Variants in FSHR observed in about 807,000 individuals in gnomAD.
FSHR encodes follicle stimulating hormone receptor.
In FSHR, 46 loss-of-function variants were observed where a neutral mutation model predicts 52.1. The ratio of observed to expected loss-of-function variants is 0.88; its 90% confidence interval spans 0.70 to 1.13. The LOEUF is 1.13. Ranked by LOEUF, FSHR falls within the 50% of genes most tolerant of loss-of-function variation. The pLI is 0.00. For synonymous variants in FSHR, 399 were observed against 309.6 expected (o/e 1.29, Z -3.03); for missense variants, 964 against 834.6 (o/e 1.16, Z -1.91).
intron 2 of FSHR, among the ~76,000 whole-genome samples, chr2:49,065,007 C>T: frequency 6.6e-6 from 1 of 152,126 alleles, no homozygotes; most frequent in East Asian, 1.9e-4. Context: ...TTTGTTGATT[C>T]ATTCCCCTGC....
At chr2:49,006,503 T>A (rs924395876) in intron 4 of FSHR, among the ~76,000 whole-genome samples, 3 of 152,156 alleles carry the variant, frequency 2.0e-5, no homozygotes, top group Non-Finnish European at 4.4e-5. Context: ...ATCATTTCCG[T>A]GGTTATTTCA....
chr2:49,099,809 G>A (rs4971882), intron 1 of FSHR, among the ~76,000 whole-genome samples: 21 of 151,722 alleles, frequency 1.4e-4, no homozygotes, highest in Non-Finnish European at 1.6e-4. Context: ...CCTTAGAACC[G>A]TCAGGAGGAA....
intron 1 of FSHR, among the ~76,000 whole-genome samples, chr2:49,093,198 A>G (rs545816893): frequency 6.6e-6 from 1 of 152,300 alleles, no homozygotes; most frequent in East Asian, 1.9e-4. Flanking sequence ...ACTGGGAAAT[A>G]TCAATTAGAT....
intron 1 of FSHR, among the ~76,000 whole-genome samples, chr2:49,094,905 A>C (rs1670763723): frequency 6.6e-6 from 1 of 152,094 alleles, no homozygotes; most frequent in Non-Finnish European, 1.5e-5. Context: ...ACTAGCTAGA[A>C]TGACTAAGAA....
chr2:49,079,065 T>C (rs1299924284), intron 1 of FSHR, among the ~76,000 whole-genome samples: 3 of 152,140 alleles, frequency 2.0e-5, no homozygotes, highest in Non-Finnish European at 4.4e-5. Context: ...TCTAGTTAGA[T>C]AGCTGGGTGT....
At chr2:49,041,744 C>A (rs1379195286) in intron 2 of FSHR, among the ~76,000 whole-genome samples, 1 of 151,940 alleles carries the variant, frequency 6.6e-6, no homozygotes, top group East Asian at 1.9e-4. Context: ...AGAAGACAGA[C>A]TCTCTCAGCC....
At chr2:49,079,892 A>G (rs2103652563) in intron 1 of FSHR, among the ~76,000 whole-genome samples, 1 of 152,332 alleles carries the variant, frequency 6.6e-6, no homozygotes, top group East Asian at 1.9e-4. Context: ...AAATTTCTGT[A>G]AAACAAAGAT....
chr2:49,093,334 T>C (rs2103699596), intron 1 of FSHR, among the ~76,000 whole-genome samples: 1 of 152,340 alleles, frequency 6.6e-6, no homozygotes, highest in South Asian at 2.1e-4. Flanking sequence ...TATTCCTCAT[T>C]TCAGTTGTAT....
At chr2:49,111,607 G>A (rs1461356187) in intron 1 of FSHR, among the ~76,000 whole-genome samples, 1 of 152,116 alleles carries the variant, frequency 6.6e-6, no homozygotes, top group Non-Finnish European at 1.5e-5. Context: ...CACAGTGCTG[G>A]AAGGAGCCGT....
At chr2:49,039,076 A>G (rs1668393662) in intron 2 of FSHR, among the ~76,000 whole-genome samples, 1 of 152,192 alleles carries the variant, frequency 6.6e-6, no homozygotes, top group Admixed American at 6.5e-5. Context: ...AACTAAATCT[A>G]AAGTACAGTT....
chr2:49,056,445 AAT>A (rs70946848), intron 2 of FSHR, among the ~76,000 whole-genome samples: 2,291 of 127,228 alleles, frequency 0.018, 23 homozygotes, highest in African/African-American at 0.028. Context: ...TTACAATTGG[AAT>A]ATATATATAT....
Position 48,988,967 on chromosome 2 carries a change from CCTTA to C in FSHR, c.524+6_524+9del. 1 of 1,610,168 alleles carries C rather than the reference CCTTA, an allele frequency of 6.2e-7. No homozygotes were observed. Among genetic ancestry groups the C allele is most frequent in the African/African-American group, 1.3e-5 (1 of 74,926 alleles). On this transcript the variant is annotated splice_donor_region_variant and intron_variant, in intron 6 of 9. Coordinates refer to ENST00000406846, the MANE Select transcript of FSHR (RefSeq NM_000145.4). Reference sequence around the variant, plus strand: ...ATGTTACTCTGTTGGATTTTTTCCCCCTTACTTACAGAATCACACTTTCAAAGCT... The same window carrying C: ...ATGTTACTCTGTTGGATTTTTTCCCCCTTACAGAATCACACTTTCAAAGCT...
chr2:48,993,195 C>G (rs927119463), intron 4 of FSHR, among the ~76,000 whole-genome samples: 4 of 152,058 alleles, frequency 2.6e-5, no homozygotes, highest in African/African-American at 9.7e-5. Context: ...TGTGTGACTC[C>G]TAGATTCATA....
In FSHR at chr2:49,119,258, T is replaced by A. The variant is rs183802140; in HGVS notation, c.152+35008A>T. Among the ~76,000 whole-genome samples, 3 of 152,304 alleles carry A rather than the reference T, an allele frequency of 2.0e-5. No homozygotes were observed. The East Asian group carries it at 5.8e-4, about 29-fold the overall frequency. The stretch of plus-strand genomic sequence containing the variant: ...TTTGTATTTCACTGTTACTTCAAAG[T>A]GATTTTTTGTTACTGTGCTTGTGAG... On this transcript the variant is annotated intron_variant, in intron 1 of 9. Transcript: ENST00000406846.
At chr2:49,040,135 G>A (rs935762968) in intron 2 of FSHR, among the ~76,000 whole-genome samples, 1 of 152,308 alleles carries the variant, frequency 6.6e-6, no homozygotes, top group South Asian at 2.1e-4. Flanking sequence ...ATATACTGGA[G>A]TTTGCTGCGC....
intron 3 of FSHR, among the ~76,000 whole-genome samples, chr2:49,019,510 G>C (rs952554724): frequency 6.6e-6 from 1 of 152,198 alleles, no homozygotes. Flanking sequence ...AATTTGGCTG[G>C]AGTAGTAGAG....
chr2:48,991,489 A>G (rs567651772), intron 4 of FSHR, among the ~76,000 whole-genome samples: 1 of 152,216 alleles, frequency 6.6e-6, no homozygotes, highest in Non-Finnish European at 1.5e-5. Flanking sequence ...CCCCTTTCCT[A>G]TTGGTAAAAG....
chr2:49,084,516 A>G (rs78405206), intron 1 of FSHR, among the ~76,000 whole-genome samples: 27,060 of 151,052 alleles, frequency 0.18, 2,838 homozygotes, highest in East Asian at 0.28. Flanking sequence ...TGAAGGAAAT[A>G]GAGACAAAAA....
intron 2 of FSHR, among the ~76,000 whole-genome samples, chr2:49,053,165 A>C (rs1161713517): frequency 6.6e-6 from 1 of 152,170 alleles, no homozygotes; most frequent in Non-Finnish European, 1.5e-5. Flanking sequence ...AATGAATTTT[A>C]TGTGGTTCAT....
Sources: allele counts gnomAD v4.1 joint callset (sites outside exome capture counted in the v4.1 genomes callset), GRCh38; gene constraint gnomAD v4.1.1; transcripts MANE v1.5; gene names NCBI Gene and HGNC (gene_info 2026-07-23, HGNC 2026-07-21).